Variants in KCTD8 observed in about 807,000 individuals in gnomAD.
The protein encoded by KCTD8 is BTB/POZ domain-containing protein KCTD8.
KCTD8 carries 27 observed loss-of-function variants against 31.5 expected under a neutral mutation model. That is an observed-to-expected ratio of 0.86 (90% confidence interval 0.63 to 1.18). The LOEUF is 1.18. KCTD8 is among the 50% of genes most tolerant of loss of function. KCTD8 has a pLI of 0.00. For missense variants in KCTD8, 658 were observed against 647.7 expected (o/e 1.02, Z -0.17); for synonymous variants, 290 against 280.0 (o/e 1.04, Z -0.36).
intron 1 of KCTD8, among the ~76,000 whole-genome samples, chr4:44,254,099 G>T (rs973729261): frequency 4.6e-5 from 7 of 151,892 alleles, no homozygotes; most frequent in African/African-American, 1.2e-4. Context: ...TGTGGATTTG[G>T]CTAAGAAGAT....
At chr4:44,397,637 T>C (rs1292487851) in intron 1 of KCTD8, among the ~76,000 whole-genome samples, 3 of 152,190 alleles carry the variant, frequency 2.0e-5, no homozygotes, top group African/African-American at 4.8e-5. Flanking sequence ...TCCATCTGAA[T>C]AATTTGAATA....
At chr4:44,281,288 G>C (rs190663109) in intron 1 of KCTD8, among the ~76,000 whole-genome samples, 17 of 152,154 alleles carry the variant, frequency 1.1e-4, no homozygotes, top group Admixed American at 9.8e-4. Flanking sequence ...TTTACTGATT[G>C]CAAAAGAGTA....
chr4:44,376,311 C>G (rs1362218114), intron 1 of KCTD8, among the ~76,000 whole-genome samples: 4 of 152,064 alleles, frequency 2.6e-5, no homozygotes, highest in Admixed American at 2.6e-4. Context: ...CACAATGTTC[C>G]ATGCAGCCAA....
At chr4:44,420,524 G>A (rs1386464719) in intron 1 of KCTD8, among the ~76,000 whole-genome samples, 2 of 152,204 alleles carry the variant, frequency 1.3e-5, no homozygotes, top group East Asian at 3.8e-4. Flanking sequence ...GGACACAGAT[G>A]TGTTTCAAGA....
intron 1 of KCTD8, among the ~76,000 whole-genome samples, chr4:44,231,088 T>C (rs956970368): frequency 6.6e-6 from 1 of 152,180 alleles, no homozygotes; most frequent in African/African-American, 2.4e-5. Flanking sequence ...CAAACTCAGA[T>C]ATGCACATTT....
chr4:44,237,641 T>A (rs1056558944), intron 1 of KCTD8, among the ~76,000 whole-genome samples: 1 of 152,208 alleles, frequency 6.6e-6, no homozygotes, highest in East Asian at 1.9e-4. Flanking sequence ...AAAAGAGGAA[T>A]TATGTTATTA....
intron 1 of KCTD8, among the ~76,000 whole-genome samples, chr4:44,225,088 G>A (rs1222736713): frequency 2.0e-5 from 3 of 152,098 alleles, no homozygotes; most frequent in South Asian, 4.1e-4. Flanking sequence ...ACTCTTTGAC[G>A]GGCAGTTAGT....
chr4:44,406,518 C>T (rs1479994429), intron 1 of KCTD8, among the ~76,000 whole-genome samples: 1 of 152,076 alleles, frequency 6.6e-6, no homozygotes, highest in Non-Finnish European at 1.5e-5. Context: ...TAAGAAGTGC[C>T]TTTTGCCTCC....
intron 1 of KCTD8, among the ~76,000 whole-genome samples, chr4:44,360,205 C>T (rs1373581120): frequency 6.6e-6 from 1 of 151,798 alleles, no homozygotes; most frequent in Non-Finnish European, 1.5e-5. Context: ...AATGAAAAGG[C>T]AGATTACCCC....
At chr4:44,408,785 A>AT (rs1212605854) in intron 1 of KCTD8, among the ~76,000 whole-genome samples, 2 of 151,912 alleles carry the variant, frequency 1.3e-5, no homozygotes, top group African/African-American at 4.8e-5. Flanking sequence ...CGCCCAGCTA[A>AT]TTTTTTATAT....
In KCTD8 at chr4:44,428,433, A is replaced by G. The variant is rs575481618; in HGVS notation, c.961+19130T>C. ...TAATTTTGCCTCCAGTCAATTAATA[A>G]TTAAGACTCTGATCAAGTCACTTAC... On this transcript the variant is annotated intron_variant, in intron 1 of 1. Transcript: ENST00000360029. Among the ~76,000 whole-genome samples, 111 of 151,816 alleles carry G rather than the reference A, an allele frequency of 7.3e-4. No homozygotes were observed. In the Middle Eastern group the frequency reaches 0.01, roughly 14 times the overall value.
At chr4:44,300,697 T>C (rs1717586025) in intron 1 of KCTD8, among the ~76,000 whole-genome samples, 1 of 152,058 alleles carries the variant, frequency 6.6e-6, no homozygotes, top group African/African-American at 2.4e-5. Flanking sequence ...CCTACACCAG[T>C]AGGATTATCA....
chr4:44,439,927 T>TA (rs1721776881), intron 1 of KCTD8, among the ~76,000 whole-genome samples: 1 of 150,562 alleles, frequency 6.6e-6, no homozygotes, highest in Non-Finnish European at 1.5e-5. Context: ...TTTATTTATT[T>TA]ATTTATTTAT....
Position 44,448,551 on chromosome 4 carries a change from C to G in KCTD8, c.-28G>C, listed in dbSNP as rs759735507. The G allele has an allele frequency of 3.5e-6, 5 of 1,441,936 alleles. No individual in the cohort carries two copies. The highest frequency in any genetic ancestry group is 2.6e-5 in the East Asian group (1 of 38,684). 89.3% of individuals were successfully genotyped at this position (1,441,936 alleles called of 1,614,324 possible). The stretch of plus-strand genomic sequence containing the variant: ...TCCCCCCGCCGCCGGCCCAGTGACC[C>G]GAGAGAGCTGCACTTTCTCGTTCCC... On this transcript the variant is annotated 5_prime_UTR_variant, in exon 1 of 2. Coordinates refer to ENST00000360029, the MANE Select transcript of KCTD8 (RefSeq NM_198353.3). This position sits in a 1 kb window ranked among gnomAD's most constrained non-coding sequence, Gnocchi z 4.1.
At chr4:44,335,891 C>A (rs1243870688) in intron 1 of KCTD8, among the ~76,000 whole-genome samples, 2 of 151,986 alleles carry the variant, frequency 1.3e-5, no homozygotes, top group African/African-American at 4.8e-5. Context: ...TGGCTCACGC[C>A]TGTAATCCCA....
intron 1 of KCTD8, chr4:44,293,769 T>G (rs1468967841): frequency 2.2e-6 from 1 of 450,776 alleles, no homozygotes; most frequent in South Asian, 1.6e-5. Context: ...ACATAGCCAC[T>G]TGAAAATTAT....
chr4:44,365,949 G>A (rs1328251411), intron 1 of KCTD8, among the ~76,000 whole-genome samples: 1 of 151,752 alleles, frequency 6.6e-6, no homozygotes, highest in East Asian at 1.9e-4. Context: ...ACATGGAGCT[G>A]CTATACATCA....
intron 1 of KCTD8, among the ~76,000 whole-genome samples, chr4:44,220,593 C>T (rs1246648734): frequency 6.6e-6 from 1 of 152,108 alleles, no homozygotes; most frequent in African/African-American, 2.4e-5. Flanking sequence ...TGTATTTCTC[C>T]CTCCAAAAAG....
At chr4:44,362,995 A>T (rs1319763315) in intron 1 of KCTD8, among the ~76,000 whole-genome samples, 1 of 152,082 alleles carries the variant, frequency 6.6e-6, no homozygotes, top group Non-Finnish European at 1.5e-5. Flanking sequence ...GGGCCAAAAT[A>T]AGCATGTTGT....
Sources: allele counts gnomAD v4.1 joint callset (sites outside exome capture counted in the v4.1 genomes callset), GRCh38; gene constraint gnomAD v4.1.1; non-coding constraint Gnocchi (gnomAD v3.1); transcripts MANE v1.5; gene names NCBI Gene and HGNC (gene_info 2026-07-23, HGNC 2026-07-21).